The following ITPR2 variants were observed in gnomAD, a reference collection of about 807,000 sequenced individuals.
The protein encoded by ITPR2 is inositol 1,4,5-trisphosphate-gated calcium channel ITPR2.
A neutral mutation model predicts 317.1 loss-of-function variants in ITPR2; 207 were observed. The ratio of observed to expected loss-of-function variants is 0.65; its 90% CI spans 0.58 to 0.73. The LOEUF (loss-of-function observed/expected upper bound fraction) is 0.73, where lower values mean the gene tolerates loss of function less well. Ranked by LOEUF, ITPR2 falls within the 30% of genes least tolerant of loss-of-function variation. ITPR2 has a pLI of 0.00. For missense variants in ITPR2, 2,613 were observed against 3,284.0 expected, an observed-to-expected ratio of 0.80 and a Z score of 4.99; for synonymous variants, 1,156 against 1,149.1, an observed-to-expected ratio of 1.01 and a Z score of -0.12.
rs975554076 is a variant in ITPR2 at position 26,544,938 on chromosome 12, T to C, written c.5073+5309A>G. On this transcript the variant is annotated intron_variant, in intron 37 of 56. Transcript: ENST00000381340. The stretch of plus-strand genomic sequence containing the variant: ...TGGAGGTAACACTGCCTGTTCTGTG[T>C]ATGTGTTAGAATTGTTGAAAGGTAG... Among the ~76,000 whole-genome samples, 5 of 125,502 alleles carry C rather than the reference T, an allele frequency of 4.0e-5. 1 individual carries two copies. The highest frequency in any genetic ancestry group is 3.7e-4 in the Admixed American group (5 of 13,478). 82.3% of individuals were successfully genotyped at this position (125,502 alleles called of 152,430 possible). A position where few individuals can be genotyped will look rare whatever the true frequency, so the allele number is the denominator to read the frequency against.
intron 5 of ITPR2, among the ~76,000 whole-genome samples, chr12:26,717,689 T>G (rs1948765548): frequency 6.6e-6 from 1 of 152,196 alleles, no homozygotes; most frequent in South Asian, 2.1e-4. Flanking sequence ...TAGGAGGATC[T>G]GCATAAATAA....
intron 55 of ITPR2, among the ~76,000 whole-genome samples, chr12:26,371,847 T>C (rs1389401927): frequency 6.6e-6 from 1 of 152,206 alleles, no homozygotes; most frequent in Non-Finnish European, 1.5e-5. Flanking sequence ...CTGATTTTCC[T>C]TCTGCCAGAC....
At chr12:26,689,287 C>T (rs965904323) in intron 10 of ITPR2, among the ~76,000 whole-genome samples, 2 of 152,094 alleles carry the variant, frequency 1.3e-5, no homozygotes, top group African/African-American at 2.4e-5. Flanking sequence ...CATGATGGCA[C>T]ACGCCTATGG....
intron 48 of ITPR2, among the ~76,000 whole-genome samples, chr12:26,430,096 A>C (rs937080832): frequency 1.3e-5 from 2 of 152,230 alleles, no homozygotes; most frequent in African/African-American, 4.8e-5. Context: ...CTAGTATAGT[A>C]GCTTGCACAT....
intron 52 of ITPR2, among the ~76,000 whole-genome samples, chr12:26,410,238 T>A (rs531218489): frequency 1.3e-5 from 2 of 152,230 alleles, no homozygotes; most frequent in Admixed American, 6.5e-5. Flanking sequence ...ATGAGCTGGT[T>A]CTTATTGTGA....
At chr12:26,689,253 CAAA>C (rs889004244) in intron 10 of ITPR2, among the ~76,000 whole-genome samples, 4 of 151,954 alleles carry the variant, frequency 2.6e-5, no homozygotes, top group Non-Finnish European at 5.9e-5. Flanking sequence ...CCCATCTCTA[CAAA>C]AAATACAATA....
intron 1 of ITPR2, among the ~76,000 whole-genome samples, chr12:26,804,420 A>G (rs1286730867): frequency 6.6e-6 from 1 of 152,202 alleles, no homozygotes; most frequent in Admixed American, 6.5e-5. Context: ...ATTTTAATTA[A>G]AGTGCAGAGA....
At chr12:26,718,681 C>A (rs1055637599) in intron 5 of ITPR2, among the ~76,000 whole-genome samples, 1 of 151,982 alleles carries the variant, frequency 6.6e-6, no homozygotes, top group Non-Finnish European at 1.5e-5. Flanking sequence ...ACAATCTCAA[C>A]TCACTGCAAC....
At chr12:26,341,230 A>C (rs892312321) in intron 55 of ITPR2, among the ~76,000 whole-genome samples, 1 of 152,190 alleles carries the variant, frequency 6.6e-6, no homozygotes, top group Non-Finnish European at 1.5e-5. Flanking sequence ...TGGGATTTGA[A>C]GCCTCTGCAG....
chr12:26,452,320 T>C (rs1191478851), intron 45 of ITPR2, among the ~76,000 whole-genome samples: 1 of 151,924 alleles, frequency 6.6e-6, no homozygotes, highest in Non-Finnish European at 1.5e-5. Flanking sequence ...TTTAAAAGCA[T>C]ACAAGAGAAA....
At chr12:26,608,006 G>A (rs1384589092) in intron 26 of ITPR2, among the ~76,000 whole-genome samples, 4 of 152,006 alleles carry the variant, frequency 2.6e-5, no homozygotes, top group Non-Finnish European at 5.9e-5. Context: ...CTGTAGTCCC[G>A]GCTACTCGGG....
chr12:26,575,286 A>G (rs1266083562), intron 34 of ITPR2, among the ~76,000 whole-genome samples: 2 of 151,120 alleles, frequency 1.3e-5, no homozygotes, highest in African/African-American at 2.4e-5. Context: ...CCGACAAAGA[A>G]TTTCACTTCA....
chr12:26,805,003 G>A (rs1458965156), intron 1 of ITPR2, among the ~76,000 whole-genome samples: 1 of 152,070 alleles, frequency 6.6e-6, no homozygotes, highest in Non-Finnish European at 1.5e-5. Flanking sequence ...CCAAAGTGCT[G>A]GGAATGCAGG....
At chr12:26,353,530 C>T (rs1195762050) in intron 55 of ITPR2, among the ~76,000 whole-genome samples, 4 of 152,190 alleles carry the variant, frequency 2.6e-5, no homozygotes, top group African/African-American at 4.8e-5. Flanking sequence ...CTCCTCTGCT[C>T]ATCTTTTAAG....
chr12:26,717,823 G>T (rs7962081), intron 5 of ITPR2, among the ~76,000 whole-genome samples: 13,694 of 152,142 alleles, frequency 0.09, 1,630 homozygotes, highest in African/African-American at 0.28. Context: ...ACCATGAATT[G>T]GTATCCCTTT....
At chr12:26,642,994 T>A (rs1185437376) in intron 21 of ITPR2, among the ~76,000 whole-genome samples, 2 of 152,050 alleles carry the variant, frequency 1.3e-5, no homozygotes, top group Non-Finnish European at 2.9e-5. Flanking sequence ...AAGGTGATGG[T>A]GTTAGAAGTA....
intron 55 of ITPR2, among the ~76,000 whole-genome samples, chr12:26,340,917 G>A (rs1430024106): frequency 2.6e-5 from 4 of 152,150 alleles, no homozygotes; most frequent in African/African-American, 4.8e-5. Flanking sequence ...CAATGGGTGA[G>A]AGTTAGACTT....
chr12:26,439,275 G>A lies in ITPR2; in HGVS notation c.6495C>T (p.Val2165=), dbSNP rs1565527527. Residue 2165 remains valine (V), a synonymous_variant, in exon 47 of 57, where the codon GTC becomes GTT. Transcript: ENST00000381340. ...DRTMEQIVFP[V]PNICEYLTRE... ...GAGTGAGGTATTCACATATATTGGG[G>A]ACAGGAAAAACTATTTGTTCCATGG... The A allele has an allele frequency of 6.2e-7, 1 of 1,610,704 alleles. No individual in the cohort carries two copies. Among genetic ancestry groups the A allele is most frequent in the Non-Finnish European group, 8.5e-7 (1 of 1,178,590 alleles).
intron 55 of ITPR2, among the ~76,000 whole-genome samples, chr12:26,345,649 T>C (rs533947542): frequency 6.6e-6 from 1 of 152,290 alleles, no homozygotes; most frequent in East Asian, 1.9e-4. Flanking sequence ...TCTTACACAG[T>C]GAATATGCTT....
Sources: allele counts gnomAD v4.1 joint callset (sites outside exome capture counted in the v4.1 genomes callset), GRCh38; gene constraint gnomAD v4.1.1; transcripts MANE v1.5; gene names NCBI Gene and HGNC (gene_info 2026-07-23, HGNC 2026-07-21).